TMEM25: variants seen among roughly 807,000 people sequenced by gnomAD.
TMEM25 encodes 0610039J01Rik.
Under a neutral mutation model 37.0 loss-of-function variants are expected in TMEM25, and 36 were observed. The ratio of observed to expected loss-of-function variants is 0.97; its 90% CI spans 0.75 to 1.28. The LOEUF is 1.28. TMEM25 is among the 50% of genes most tolerant of loss of function. TMEM25 has a pLI of 0.00. For synonymous variants in TMEM25, 197 were observed against 203.7 expected, an observed-to-expected ratio of 0.97 and a Z score of 0.28; for missense variants, 444 against 477.9, an observed-to-expected ratio of 0.93 and a Z score of 0.66.
At chr11:118,532,490 TA>T in intron 3 of TMEM25, 29 bp downstream of exon 3, 4 of 1,580,972 alleles carry the variant, frequency 2.5e-6, no homozygotes, top group Non-Finnish European at 3.4e-6. Context: ...GGCAGGGAGA[TA>T]GGTTCTTTGC....
At chr11:118,546,348 G>A (rs929748135) in exon 9 of TMEM25, 62 of 570,322 alleles carry the variant, frequency 1.1e-4, no homozygotes, top group Middle Eastern at 9.3e-4. Context: ...AAAATTAGCC[G>A]GGTGTGGTGT....
At chr11:118,532,790 C>A (rs1214177581) in intron 3 of TMEM25, 127 bp from the exon 4 acceptor site, 2 of 1,345,442 alleles carry the variant, frequency 1.5e-6, no homozygotes, top group Non-Finnish European at 2.0e-6. Context: ...CAGACCCAGC[C>A]ATCCTGTTCC....
intron 3 of TMEM25, 114 bp downstream of exon 3, chr11:118,532,575 T>C: frequency 1.7e-6 from 2 of 1,178,322 alleles, no homozygotes; most frequent in South Asian, 1.6e-5. Context: ...TTTGCAAATA[T>C]GAACTCATTT....
At chr11:118,545,080 A>C (rs1474055430) in intron 8 of TMEM25, 3 of 1,164,314 alleles carry the variant, frequency 2.6e-6, no homozygotes, top group Non-Finnish European at 3.8e-6. Flanking sequence ...AACAAGAATT[A>C]ATTTCTTTAA....
In TMEM25 at chr11:118,543,869, C is replaced by G. The variant is rs552354084; in HGVS notation, c.1028-2250C>G. ...TTGCCCAAGCTGGAGTGCAGTGCCA[C>G]GATCTTAGCTCACTGTAACCTCCAC... On this transcript the variant is annotated intron_variant, in intron 8 of 8. Transcript: ENST00000354284. Among the ~76,000 whole-genome samples, 243 of 151,374 alleles carry G rather than the reference C, an allele frequency of 1.6e-3. 1 individual carries two copies. Among genetic ancestry groups the G allele is most frequent in the African/African-American group, 5.8e-3 (240 of 41,198 alleles).
In TMEM25 at chr11:118,531,210, C is replaced by T. The variant is rs1555057843; in HGVS notation, c.-52C>T. The T allele has an allele frequency of 2.1e-6, 1 of 465,520 alleles. No homozygotes were observed. The highest frequency in any genetic ancestry group is 3.8e-6 in the Non-Finnish European group (1 of 261,070). The allele number at this position is 465,520 out of a possible 1,614,324, so 28.8% of individuals were successfully genotyped here. On this transcript the variant is annotated 5_prime_UTR_variant, in exon 1 of 9. Coordinates refer to ENST00000313236, the MANE Select transcript of TMEM25 (RefSeq NM_032780.4). Reference sequence around the variant, plus strand: ...GCTCATCAGACCTGAGCAGTTGCTCCGGCGGCGCTCGGGGAGGGAGCCAGG... The same window carrying T: ...GCTCATCAGACCTGAGCAGTTGCTCTGGCGGCGCTCGGGGAGGGAGCCAGG...
At chr11:118,533,741 G>C (rs1332802783) in intron 5 of TMEM25, 116 bp from the exon 6 acceptor site, 1 of 1,577,700 alleles carries the variant, frequency 6.3e-7, no homozygotes, top group African/African-American at 1.4e-5. Context: ...TGGCCCCAGG[G>C]CCAGGCCTGG....
At chr11:118,540,662 A>G (rs1189836055), downstream of TMEM25, among the ~76,000 whole-genome samples, 1 of 152,230 alleles carries the variant, frequency 6.6e-6, no homozygotes, top group Non-Finnish European at 1.5e-5. Flanking sequence ...CTCGATACAC[A>G]TCCCTTAGAT....
At chr11:118,535,975 T>C, downstream of TMEM25, 1 of 369,414 alleles carries the variant, frequency 2.7e-6, no homozygotes, top group Middle Eastern at 1.3e-3. Flanking sequence ...CCTCCCAGAT[T>C]CAAACGATTC....
intron 8 of TMEM25, among the ~76,000 whole-genome samples, chr11:118,543,230 G>A (rs1178720026): frequency 1.3e-5 from 2 of 152,132 alleles, no homozygotes; most frequent in East Asian, 1.9e-4. Context: ...CAGCTCAAAC[G>A]TGCCTGCTCC....
chr11:118,546,870 A>C (rs1951699746), downstream of TMEM25: 1 of 152,258 alleles, frequency 6.6e-6, no homozygotes, highest in Non-Finnish European at 1.5e-5. Flanking sequence ...TAACTCAGGT[A>C]ACAGGCTCTG....
chr11:118,537,467 T>A (rs1228544561), downstream of TMEM25, among the ~76,000 whole-genome samples: 1 of 152,224 alleles, frequency 6.6e-6, no homozygotes, highest in Non-Finnish European at 1.5e-5. Flanking sequence ...ACACTTTTGT[T>A]AACTATACTC....
chr11:118,531,858 C>A lies in TMEM25; in HGVS notation c.57C>A (p.Ala19=), dbSNP rs1555058580. The A allele has an allele frequency of 1.9e-6, 3 of 1,551,682 alleles. No homozygotes were observed. The highest frequency in any genetic ancestry group is 2.6e-6 in the Non-Finnish European group (3 of 1,147,014). Residue 19 remains alanine, a synonymous_variant, in exon 2 of 9, where the codon GCC becomes GCA. Transcript: ENST00000313236. The part of the protein sequence containing the change: ...ALRHTLLLLP[A]LLSSGWGELE... ...GGCACACACTGCTGCTCCTGCCAGC[C>A]CTTCTGAGCTCAGGTACACCCCTGT...
At chr11:118,537,572 A>T (rs570607431), downstream of TMEM25, among the ~76,000 whole-genome samples, 2 of 152,118 alleles carry the variant, frequency 1.3e-5, no homozygotes, top group Non-Finnish European at 2.9e-5. Flanking sequence ...TCCTTCACCC[A>T]CATTTTCTTC....
At chr11:118,542,967 C>T (rs552384102) in intron 8 of TMEM25, among the ~76,000 whole-genome samples, 54 of 152,104 alleles carry the variant, frequency 3.6e-4, no homozygotes, top group Non-Finnish European at 6.5e-4. Context: ...TGAGGCTGGG[C>T]GCAGTGGCTC....
chr11:118,534,577 C>G lies in TMEM25; in HGVS notation c.1098C>G (p.Leu366=), dbSNP rs1228733406. The change falls in exon 9 of 9, where the codon CTC becomes CTG. Residue 366 remains leucine, a synonymous_variant. Transcript: ENST00000313236. The surrounding 1 kb of genome is among the most constrained non-coding windows in gnomAD (Gnocchi z 4.6). The part of the protein sequence containing the change: ...VSSVSSDEIW[L] ...GCGTGAGCAGTGATGAGATCTGGCT[C>G]TGAGCCGAGGGCGAGACAGGAGTAT... is the stretch of plus-strand genomic sequence containing the variant. 7 of 1,614,036 alleles carry G rather than the reference C, an allele frequency of 4.3e-6. No homozygotes were observed. The highest frequency in any genetic ancestry group is 5.9e-6 in the Non-Finnish European group (7 of 1,180,014).
At chr11:118,544,634 C>G (rs1160781504) in intron 8 of TMEM25, 4 of 365,548 alleles carry the variant, frequency 1.1e-5, no homozygotes, top group Non-Finnish European at 2.0e-5. Flanking sequence ...AAGCTTTCCT[C>G]CCAATCTAAC....
chr11:118,545,457 C>A (rs372342254), intron 8 of TMEM25: 1 of 1,613,630 alleles, frequency 6.2e-7, no homozygotes, highest in African/African-American at 1.3e-5. Flanking sequence ...GATGGAGGGA[C>A]TGGATCCGAC....
chr11:118,536,328 G>A (rs973102273), downstream of TMEM25, among the ~76,000 whole-genome samples: 1 of 151,894 alleles, frequency 6.6e-6, no homozygotes, highest in Non-Finnish European at 1.5e-5. Flanking sequence ...CAAGTAGCTG[G>A]GATTACAGGC....
Sources: allele counts gnomAD v4.1 joint callset (sites outside exome capture counted in the v4.1 genomes callset), GRCh38; gene constraint gnomAD v4.1.1; non-coding constraint Gnocchi (gnomAD v3.1); transcripts MANE v1.5; gene names NCBI Gene and HGNC (gene_info 2026-07-23, HGNC 2026-07-21).